PXDNL: variants seen among roughly 807,000 people sequenced by gnomAD.
PXDNL encodes peroxidasin like.
In PXDNL, 145 loss-of-function variants were observed where a neutral mutation model predicts 150.8. The ratio of observed to expected loss-of-function variants is 0.96; its 90% CI spans 0.84 to 1.10. The LOEUF is 1.10. Among genes scored for constraint, PXDNL ranks in the 50% least tolerant of loss-of-function variants. The probability of loss-of-function intolerance (pLI) is 0.00; values close to 1 mark genes in which losing one functional copy is unlikely to be tolerated. For synonymous variants in PXDNL, 757 were observed against 725.7 expected (o/e 1.04, Z -0.69); for missense variants, 2,087 against 1,873.9 (o/e 1.11, Z -2.10).
chr8:51,718,535 T>G (rs562776065), intron 1 of PXDNL, among the ~76,000 whole-genome samples: 5 of 152,360 alleles, frequency 3.3e-5, no homozygotes, highest in Admixed American at 1.3e-4. Flanking sequence ...TGGCTCGAAC[T>G]TCATAGTTTG....
At chr8:51,451,750 G>C (rs543937007) in intron 10 of PXDNL, among the ~76,000 whole-genome samples, 1 of 152,124 alleles carries the variant, frequency 6.6e-6, no homozygotes, top group East Asian at 1.9e-4. Flanking sequence ...AAAAGATCAA[G>C]AACATGGATA....
chr8:51,442,398 T>C (rs960294392), intron 12 of PXDNL, among the ~76,000 whole-genome samples: 13 of 151,598 alleles, frequency 8.6e-5, no homozygotes, highest in African/African-American at 3.2e-4. Flanking sequence ...CTCAACTCTA[T>C]GTTAAATGAC....
intron 14 of PXDNL, among the ~76,000 whole-genome samples, chr8:51,418,032 T>C (rs1292670385): frequency 6.6e-6 from 1 of 152,210 alleles, no homozygotes; most frequent in Non-Finnish European, 1.5e-5. Flanking sequence ...CTGGAAATGC[T>C]ACTTACACAT....
At chr8:51,475,474 G>C (rs1810451460) in intron 6 of PXDNL, among the ~76,000 whole-genome samples, 1 of 152,148 alleles carries the variant, frequency 6.6e-6, no homozygotes, top group Non-Finnish European at 1.5e-5. Flanking sequence ...AATTAAAACT[G>C]TAAGTATGGC....
At chr8:51,590,694 A>G (rs1231614510) in intron 3 of PXDNL, among the ~76,000 whole-genome samples, 1 of 152,074 alleles carries the variant, frequency 6.6e-6, no homozygotes, top group Non-Finnish European at 1.5e-5. Flanking sequence ...ACATGCCAGC[A>G]ACATTGTCGT....
intron 2 of PXDNL, among the ~76,000 whole-genome samples, chr8:51,646,665 T>C (rs539642683): frequency 2.6e-5 from 4 of 152,212 alleles, no homozygotes; most frequent in South Asian, 2.1e-4. Context: ...ACAACACTTC[T>C]AGGAGCCTTG....
intron 14 of PXDNL, among the ~76,000 whole-genome samples, chr8:51,416,579 G>GT: frequency 6.6e-6 from 1 of 152,302 alleles, no homozygotes; most frequent in South Asian, 2.1e-4. Context: ...AAAACTGCAT[G>GT]TTGCAATGCA....
chr8:51,496,315 C>T (rs1356225547), intron 5 of PXDNL, among the ~76,000 whole-genome samples: 1 of 152,142 alleles, frequency 6.6e-6, no homozygotes, highest in African/African-American at 2.4e-5. Context: ...AAACCTACAG[C>T]CAATATCATA....
At chr8:51,425,630 G>A (rs921081457) in intron 13 of PXDNL, among the ~76,000 whole-genome samples, 5 of 151,992 alleles carry the variant, frequency 3.3e-5, no homozygotes, top group South Asian at 2.1e-4. Flanking sequence ...TCAGGGGATC[G>A]AGACCACAGT....
chr8:51,601,903 G>A (rs779911384), intron 2 of PXDNL, among the ~76,000 whole-genome samples: 1 of 151,758 alleles, frequency 6.6e-6, no homozygotes, highest in East Asian at 1.9e-4. Flanking sequence ...AGAATCTCAT[G>A]TAAGGCTGGT....
At chr8:51,355,928 T>C (rs1228273397) in intron 19 of PXDNL, among the ~76,000 whole-genome samples, 1 of 152,238 alleles carries the variant, frequency 6.6e-6, no homozygotes, top group Non-Finnish European at 1.5e-5. Flanking sequence ...AGAGTTCCTA[T>C]GTTAACTACT....
chr8:51,526,410 A>G (rs2130407692), intron 4 of PXDNL, among the ~76,000 whole-genome samples: 1 of 152,226 alleles, frequency 6.6e-6, no homozygotes, highest in East Asian at 1.9e-4. Flanking sequence ...TTGATATTCA[A>G]CATATGAAGC....
chr8:51,539,808 C>T (rs1056890560), intron 4 of PXDNL, among the ~76,000 whole-genome samples: 2 of 152,046 alleles, frequency 1.3e-5, no homozygotes, highest in Non-Finnish European at 2.9e-5. Context: ...TGAGATGCCT[C>T]CCTTCTTGAT....
chr8:51,740,622 G>T (rs1218024636), intron 1 of PXDNL, among the ~76,000 whole-genome samples: 3 of 151,854 alleles, frequency 2.0e-5, no homozygotes, highest in Non-Finnish European at 4.4e-5. Flanking sequence ...CTGCATAAAT[G>T]TCTTCCTTTG....
intron 19 of PXDNL, among the ~76,000 whole-genome samples, chr8:51,358,742 G>T (rs867483924): frequency 2.0e-5 from 3 of 152,258 alleles, no homozygotes; most frequent in Middle Eastern, 3.4e-3. Flanking sequence ...CCAAAGATGG[G>T]CCTTCTTCCC....
intron 4 of PXDNL, among the ~76,000 whole-genome samples, chr8:51,552,535 C>G (rs551613093): frequency 5.7e-4 from 87 of 152,152 alleles, no homozygotes; most frequent in Non-Finnish European, 1.2e-3. Context: ...CTTGCAGCAA[C>G]CTGGATGGAA....
chr8:51,545,041 C>CA (rs1812326291), intron 4 of PXDNL, among the ~76,000 whole-genome samples: 1 of 151,834 alleles, frequency 6.6e-6, no homozygotes, highest in Non-Finnish European at 1.5e-5. Context: ...GTTTGGAAAC[C>CA]AAAAATTCTC....
intron 1 of PXDNL, among the ~76,000 whole-genome samples, chr8:51,706,260 C>T (rs1816376182): frequency 6.6e-6 from 1 of 151,888 alleles, no homozygotes; most frequent in East Asian, 1.9e-4. Flanking sequence ...GTGGAGGTTG[C>T]AGTGAGCTGA....
At chr8:51,640,313 T>C (rs1156650034) in intron 2 of PXDNL, among the ~76,000 whole-genome samples, 2 of 152,164 alleles carry the variant, frequency 1.3e-5, no homozygotes, top group Non-Finnish European at 1.5e-5. Context: ...ATGCCGTCTC[T>C]CACCACTCCT....
Sources: gnomAD v4.1 joint callset for allele counts (sites outside exome capture counted in the v4.1 genomes callset) on GRCh38, gnomAD v4.1.1 for gene constraint, MANE v1.5 for transcripts, NCBI Gene and HGNC (gene_info 2026-07-23, HGNC 2026-07-21) for gene names.